Variants in NTM observed in about 807,000 individuals in gnomAD.
NTM encodes the protein IgLON family member 2.
Under a neutral mutation model 42.1 loss-of-function variants are expected in NTM, and 13 were observed. The ratio of observed to expected loss-of-function variants is 0.31; its 90% CI spans 0.20 to 0.49. The LOEUF (loss-of-function observed/expected upper bound fraction) is 0.49. NTM is among the 20% of genes least tolerant of loss of function. The pLI is 0.99. For missense variants in NTM, 373 were observed against 452.8 expected (o/e 0.82, Z 1.60); for synonymous variants, 187 against 179.2 (o/e 1.04, Z -0.35).
At chr11:132,221,324 A>G (rs2085121137) in intron 4 of NTM, among the ~76,000 whole-genome samples, 1 of 152,212 alleles carries the variant, frequency 6.6e-6, no homozygotes, top group South Asian at 2.1e-4. Flanking sequence ...CTTCACAACT[A>G]GGCGAGACAG....
chr11:131,706,831 G>A (rs1401324288), intron 1 of NTM, among the ~76,000 whole-genome samples: 3 of 151,816 alleles, frequency 2.0e-5, no homozygotes, highest in East Asian at 3.9e-4. Context: ...CATGCAGCAA[G>A]AGTAATCTTT....
At chr11:131,417,907 C>A (rs901645851) in intron 1 of NTM, among the ~76,000 whole-genome samples, 5 of 152,158 alleles carry the variant, frequency 3.3e-5, no homozygotes, top group African/African-American at 1.2e-4. Flanking sequence ...GGAAAACAGT[C>A]CATGGTGGAA....
At chr11:131,640,503 C>A (rs2065002765) in intron 1 of NTM, among the ~76,000 whole-genome samples, 1 of 152,028 alleles carries the variant, frequency 6.6e-6, no homozygotes, top group Admixed American at 6.5e-5. Flanking sequence ...ACCTAATTTG[C>A]CATCTTTTTT....
At chr11:132,171,950 G>T (rs994392982) in intron 3 of NTM, among the ~76,000 whole-genome samples, 2 of 152,092 alleles carry the variant, frequency 1.3e-5, no homozygotes, top group Non-Finnish European at 2.9e-5. Flanking sequence ...TCTTACTTGG[G>T]GTTTCTCTAA....
intron 1 of NTM, among the ~76,000 whole-genome samples, chr11:131,600,810 C>A (rs529242983): frequency 3.3e-5 from 5 of 152,258 alleles, no homozygotes; most frequent in South Asian, 2.1e-4. Context: ...CCCTGCCAAG[C>A]CTTACGTGTC....
chr11:132,033,870 A>G (rs547323566), intron 2 of NTM, among the ~76,000 whole-genome samples: 1 of 152,334 alleles, frequency 6.6e-6, no homozygotes, highest in African/African-American at 2.4e-5. Flanking sequence ...CATATTCTTT[A>G]TATACAATTT....
chr11:132,182,197 G>A (rs902166702), intron 3 of NTM, among the ~76,000 whole-genome samples: 1 of 151,984 alleles, frequency 6.6e-6, no homozygotes, highest in East Asian at 1.9e-4. Flanking sequence ...TTTGTTAGTA[G>A]TGTTTATTTA....
chr11:132,006,120 C>A (rs538906088), intron 2 of NTM, among the ~76,000 whole-genome samples: 1 of 152,224 alleles, frequency 6.6e-6, no homozygotes, highest in African/African-American at 2.4e-5. Flanking sequence ...TGCATCTTGA[C>A]AACTCCTTTA....
intron 1 of NTM, among the ~76,000 whole-genome samples, chr11:131,859,167 T>C (rs928507951): frequency 7.2e-5 from 11 of 152,232 alleles, no homozygotes; most frequent in Admixed American, 5.2e-4. Flanking sequence ...GGTGTCTTCC[T>C]GGTGCCAGGT....
intron 2 of NTM, among the ~76,000 whole-genome samples, chr11:132,098,972 G>A (rs1160061290): frequency 1.3e-5 from 2 of 152,210 alleles, no homozygotes; most frequent in African/African-American, 2.4e-5. Flanking sequence ...AATCGGGAGC[G>A]ATAGTTTTGT....
At chr11:132,194,877 C>T (rs2079927724) in intron 3 of NTM, among the ~76,000 whole-genome samples, 1 of 139,328 alleles carries the variant, frequency 7.2e-6, no homozygotes, top group African/African-American at 2.7e-5. Context: ...GGCTGCAGTG[C>T]AGTGGTGTAA....
chr11:132,056,833 A>G (rs1037632048), intron 2 of NTM, among the ~76,000 whole-genome samples: 3 of 152,136 alleles, frequency 2.0e-5, no homozygotes, highest in Admixed American at 1.3e-4. Context: ...ACAGTCCACA[A>G]ATCCCCCAGT....
chr11:131,370,848 G>C lies in NTM; in HGVS notation c.42G>C (p.Trp14Cys), dbSNP rs185079135. The change falls in exon 1 of 9, where the codon TGG becomes TGC. Residue 14 changes from tryptophan (W) to cysteine (C), a missense_variant. Transcript: ENST00000683400. ...IQPKMHNSIS[W>C]AIFTGLAALC... ...CAAAAATGCACAATTCTATCTCTTG[G>C]GCAATCTTCACGGGGCTGGCTGCTC... 20 of 1,614,078 alleles carry C rather than the reference G, an allele frequency of 1.2e-5. 1 individual carries two copies. The East Asian group carries it at 2.2e-4, about 18-fold the overall frequency.
At chr11:131,616,657 C>T (rs1327447107) in intron 1 of NTM, among the ~76,000 whole-genome samples, 1 of 152,076 alleles carries the variant, frequency 6.6e-6, no homozygotes, top group East Asian at 1.9e-4. Flanking sequence ...AGTTCTCTTC[C>T]CCACCCGGCT....
chr11:131,430,180 C>T (rs183981449), intron 1 of NTM, among the ~76,000 whole-genome samples: 28 of 152,266 alleles, frequency 1.8e-4, no homozygotes, highest in African/African-American at 5.8e-4. Flanking sequence ...ATTTAATGAA[C>T]GCTGTAATAA....
At chr11:132,311,805 A>T (rs1565450548) in intron 6 of NTM, among the ~76,000 whole-genome samples, 1 of 152,218 alleles carries the variant, frequency 6.6e-6, no homozygotes, top group Non-Finnish European at 1.5e-5. Context: ...AGGAAAATAA[A>T]GCAAAAGTGG....
chr11:131,683,460 G>A (rs1379469529), intron 1 of NTM, among the ~76,000 whole-genome samples: 1 of 152,234 alleles, frequency 6.6e-6, no homozygotes, highest in Non-Finnish European at 1.5e-5. Flanking sequence ...GAAGGAATCT[G>A]ACCAGGTTGA....
chr11:132,122,399 C>T (rs185155519), intron 2 of NTM, among the ~76,000 whole-genome samples: 386 of 152,282 alleles, frequency 2.5e-3, no homozygotes, highest in Non-Finnish European at 4.8e-3. Flanking sequence ...GTCAGCAAAT[C>T]GGCCTCCCCT....
At chr11:131,827,582 GTT>G (rs2042286203) in intron 1 of NTM, among the ~76,000 whole-genome samples, 1 of 152,166 alleles carries the variant, frequency 6.6e-6, no homozygotes, top group Non-Finnish European at 1.5e-5. Flanking sequence ...AATGTCTAAT[GTT>G]TTGTCCAAAA....
Sources: gnomAD v4.1 joint callset for allele counts (sites outside exome capture counted in the v4.1 genomes callset) on GRCh38, gnomAD v4.1.1 for gene constraint, MANE v1.5 for transcripts, NCBI Gene and HGNC (gene_info 2026-07-23, HGNC 2026-07-21) for gene names.